The following MOB3B variants were observed in gnomAD, a reference collection of about 807,000 sequenced individuals.
MOB3B encodes the protein MOB kinase activator 3B.
In MOB3B, 7 loss-of-function variants were observed where a neutral mutation model predicts 18.7. The observed-to-expected ratio is 0.37, with a 90% CI of 0.21 to 0.70. The LOEUF is 0.70. Ranked by LOEUF, MOB3B falls within the 30% of genes least tolerant of loss-of-function variation. The probability of loss-of-function intolerance (pLI) is 0.52; values close to 1 mark genes in which losing one functional copy is unlikely to be tolerated. For synonymous variants in MOB3B, 111 were observed against 99.9 expected, an observed-to-expected ratio of 1.11 and a Z score of -0.66; for missense variants, 253 against 281.3, an observed-to-expected ratio of 0.90 and a Z score of 0.72.
At chr9:27,505,412 C>T (rs1286425672) in intron 1 of MOB3B, among the ~76,000 whole-genome samples, 2 of 152,166 alleles carry the variant, frequency 1.3e-5, no homozygotes, top group South Asian at 2.1e-4. Context: ...ACCACTTTCC[C>T]GTGAATGTGG....
At chr9:27,339,134 C>T (rs906153012) in intron 3 of MOB3B, among the ~76,000 whole-genome samples, 4 of 152,198 alleles carry the variant, frequency 2.6e-5, no homozygotes, top group Non-Finnish European at 4.4e-5. Context: ...GCCCTCAAGG[C>T]CTTTTCTGCA....
chr9:27,350,411 C>A (rs866645772), intron 3 of MOB3B, among the ~76,000 whole-genome samples: 1 of 152,112 alleles, frequency 6.6e-6, no homozygotes, highest in East Asian at 1.9e-4. Flanking sequence ...CCATGAGAGA[C>A]ATCTTCAACT....
chr9:27,343,004 G>A (rs539531944), intron 3 of MOB3B, among the ~76,000 whole-genome samples: 60 of 151,518 alleles, frequency 4.0e-4, no homozygotes, highest in Middle Eastern at 3.4e-3. Flanking sequence ...CATTGAGAAC[G>A]GGCCATGATG....
At chr9:27,511,453 C>T (rs1192940022) in intron 1 of MOB3B, among the ~76,000 whole-genome samples, 1 of 152,156 alleles carries the variant, frequency 6.6e-6, no homozygotes, top group Non-Finnish European at 1.5e-5. Flanking sequence ...GTGCTCAATG[C>T]ATGCTTCATG....
At chr9:27,334,736 T>C (rs949866000) in intron 3 of MOB3B, among the ~76,000 whole-genome samples, 5 of 152,266 alleles carry the variant, frequency 3.3e-5, no homozygotes, top group Non-Finnish European at 7.3e-5. Flanking sequence ...ACACAAATAC[T>C]CTCTGACTTA....
Position 27,485,687 on chromosome 9 carries a change from C to G in MOB3B, c.-198-29939G>C, listed in dbSNP as rs376159846. On this transcript the variant is annotated intron_variant, in intron 1 of 3. Transcript: ENST00000262244. ...AAAATTACTCTTCTTTAAAACACAGCTCTACAAAATGTCAACAGCAGAATT... is the reference window on the plus strand; with the variant it reads ...AAAATTACTCTTCTTTAAAACACAGGTCTACAAAATGTCAACAGCAGAATT... Among the ~76,000 whole-genome samples, 15 of 152,332 alleles carry G rather than the reference C, an allele frequency of 9.8e-5. No individual in the cohort carries two copies. The South Asian group carries it at 1.5e-3, about 15-fold the overall frequency.
In MOB3B at chr9:27,440,656, C is replaced by T. The variant is rs568071307; in HGVS notation, c.418+14477G>A. On this transcript the variant is annotated intron_variant, in intron 2 of 3. Coordinates refer to ENST00000262244, the MANE Select transcript of MOB3B (RefSeq NM_024761.5). ...TATTTTCTGTGTGTGTATCAAGTCC[C>T]ACCAGTTACGCATCTAGTCTGAATT... Among the ~76,000 whole-genome samples the T allele has an allele frequency of 6.6e-5, 10 of 152,224 alleles. No individual in the cohort carries two copies. The East Asian group carries it at 1.7e-3, about 26-fold the overall frequency.
rs565095022 is a variant in MOB3B, at chr9:27,501,077, C to T, written c.-199+28478G>A. ...TACCATCTCACACTAGTTAGAATGA[C>T]GAACATTAAAAAGTCAGGAAACAAC... On this transcript the variant is annotated intron_variant, in intron 1 of 3. Transcript: ENST00000262244. 1.1e-4 allele frequency among the ~76,000 whole-genome samples: 17 copies of T among 152,124 alleles called. No individual in the cohort carries two copies. The South Asian group carries it at 1.5e-3, about 13-fold the overall frequency.
At chr9:27,463,734 G>A (rs1426565859) in intron 1 of MOB3B, among the ~76,000 whole-genome samples, 3 of 152,164 alleles carry the variant, frequency 2.0e-5, no homozygotes, top group Admixed American at 6.5e-5. Flanking sequence ...GCTGAGCCAG[G>A]CTGATTGCTT....
chr9:27,410,984 A>G (rs567779760), intron 2 of MOB3B, among the ~76,000 whole-genome samples: 4 of 152,184 alleles, frequency 2.6e-5, no homozygotes, highest in African/African-American at 9.7e-5. Flanking sequence ...GTATCTGTGG[A>G]TATGTGATTC....
At chr9:27,448,847 C>T (rs1183949183) in intron 2 of MOB3B, among the ~76,000 whole-genome samples, 1 of 152,118 alleles carries the variant, frequency 6.6e-6, no homozygotes, top group African/African-American at 2.4e-5. Flanking sequence ...ATTATGGGGG[C>T]TCTGTTATTG....
rs781693885 is a variant in MOB3B, at chr9:27,455,565, C to A, written c.-15G>T. 3 of 1,613,802 alleles carry A rather than the reference C, an allele frequency of 1.9e-6. No individual in the cohort carries two copies. In the Admixed American group the frequency reaches 5.0e-5, roughly 27 times the overall value. On this transcript the variant is annotated 5_prime_UTR_variant, in exon 2 of 4. Coordinates refer to ENST00000262244, the MANE Select transcript of MOB3B (RefSeq NM_024761.5). ...GCTATGGACATGGTCTTCTCTTTCGCTTCCTTTCTTTTGCAGGAAGCGAAA... is the reference window on the plus strand; with the variant it reads ...GCTATGGACATGGTCTTCTCTTTCGATTCCTTTCTTTTGCAGGAAGCGAAA...
chr9:27,403,583 A>G (rs934393429), intron 2 of MOB3B, among the ~76,000 whole-genome samples: 1 of 131,942 alleles, frequency 7.6e-6, no homozygotes, highest in Non-Finnish European at 1.5e-5. Context: ...CCCAGGCTAG[A>G]GCGCAATGGT....
At chr9:27,472,001 ATGT>A (rs1819479664) in intron 1 of MOB3B, among the ~76,000 whole-genome samples, 1 of 152,206 alleles carries the variant, frequency 6.6e-6, no homozygotes, top group Non-Finnish European at 1.5e-5. Context: ...CTTAATCCTG[ATGT>A]TTTTATGTAA....
chr9:27,446,611 T>G (rs965020956), intron 2 of MOB3B, among the ~76,000 whole-genome samples: 1 of 152,210 alleles, frequency 6.6e-6, no homozygotes, highest in African/African-American at 2.4e-5. Flanking sequence ...TTTCTAACCT[T>G]GATTTACCTG....
At chr9:27,447,286 C>T (rs1822707386) in intron 2 of MOB3B, among the ~76,000 whole-genome samples, 1 of 152,172 alleles carries the variant, frequency 6.6e-6, no homozygotes, top group Non-Finnish European at 1.5e-5. Flanking sequence ...TAAAGCTTGA[C>T]ACTTAGACAG....
At chr9:27,487,517 C>G (rs1819747375) in intron 1 of MOB3B, among the ~76,000 whole-genome samples, 1 of 152,130 alleles carries the variant, frequency 6.6e-6, no homozygotes, top group African/African-American at 2.4e-5. Context: ...ACATCCCCAT[C>G]ACCTCCATGA....
chr9:27,487,910 C>G (rs938361564), intron 1 of MOB3B, among the ~76,000 whole-genome samples: 3 of 152,164 alleles, frequency 2.0e-5, no homozygotes, highest in Admixed American at 6.5e-5. Context: ...GATTTCACTT[C>G]TGACTGTCTG....
chr9:27,442,004 C>G (rs1025798301), intron 2 of MOB3B, among the ~76,000 whole-genome samples: 7 of 152,088 alleles, frequency 4.6e-5, no homozygotes, highest in Non-Finnish European at 1.0e-4. Context: ...TCTGTTAAAC[C>G]AGACGTTAAA....
Sources: gnomAD v4.1 joint callset for allele counts (sites outside exome capture counted in the v4.1 genomes callset) on GRCh38, gnomAD v4.1.1 for gene constraint, MANE v1.5 for transcripts, NCBI Gene and HGNC (gene_info 2026-07-23, HGNC 2026-07-21) for gene names.